Variants in SLIT3 observed in about 807,000 individuals in gnomAD.
SLIT3 encodes the protein slit homolog 3 protein.
SLIT3 carries 68 observed loss-of-function variants against 184.0 expected under a neutral mutation model. The observed-to-expected ratio is 0.37, with a 90% CI of 0.30 to 0.45. The LOEUF is 0.45. Among genes scored for constraint, SLIT3 ranks in the 20% least tolerant of loss-of-function variants. SLIT3 has a pLI of 1.00. For synonymous variants in SLIT3, 831 were observed against 828.6 expected (o/e 1.00, Z -0.05); for missense variants, 1,707 against 2,026.0 (o/e 0.84, Z 3.02).
At chr5:168,905,849 G>A (rs554499275) in intron 4 of SLIT3, among the ~76,000 whole-genome samples, 1 of 152,314 alleles carries the variant, frequency 6.6e-6, no homozygotes, top group Admixed American at 6.5e-5. Flanking sequence ...TGGGCACAGA[G>A]ATGATGTCTA....
intron 4 of SLIT3, among the ~76,000 whole-genome samples, chr5:169,175,415 C>T (rs1024265859): frequency 2.0e-5 from 3 of 152,126 alleles, no homozygotes; most frequent in African/African-American, 2.4e-5. Flanking sequence ...GGGTTATCAG[C>T]GCCACCATCT....
At chr5:169,092,386 A>G (rs1759625631) in intron 4 of SLIT3, among the ~76,000 whole-genome samples, 1 of 152,128 alleles carries the variant, frequency 6.6e-6, no homozygotes, top group Non-Finnish European at 1.5e-5. Flanking sequence ...ACCATAGCGG[A>G]GATGTACCAA....
chr5:169,060,415 CAA>C lies in SLIT3; in HGVS notation c.413+133062_413+133063del, dbSNP rs552026908. On this transcript the variant is annotated intron_variant, in intron 4 of 35. Coordinates refer to ENST00000519560, the MANE Select transcript of SLIT3 (RefSeq NM_003062.4). The stretch of plus-strand genomic sequence containing the variant: ...TCAAACAAACAAACAAACAAACAAA[CAA>C]AAAACACTGAGAAATAAATTTTGTT... 2.5e-3 allele frequency among the ~76,000 whole-genome samples: 382 copies of C among 152,026 alleles called. 1 individual carries two copies. The highest frequency in any genetic ancestry group is 8.4e-3 in the African/African-American group (347 of 41,426).
At chr5:169,034,504 G>A (rs1046811816) in intron 4 of SLIT3, among the ~76,000 whole-genome samples, 3 of 152,226 alleles carry the variant, frequency 2.0e-5, no homozygotes, top group Admixed American at 6.5e-5. Context: ...TTATTGAACA[G>A]ACTATCCTTT....
At chr5:168,865,437 C>T (rs909806373) in intron 5 of SLIT3, among the ~76,000 whole-genome samples, 4 of 152,170 alleles carry the variant, frequency 2.6e-5, no homozygotes, top group African/African-American at 9.7e-5. Context: ...CAATACAACA[C>T]AGGGTGAATT....
chr5:168,866,813 T>C (rs909603160), intron 5 of SLIT3, among the ~76,000 whole-genome samples: 2 of 152,214 alleles, frequency 1.3e-5, no homozygotes, highest in African/African-American at 2.4e-5. Context: ...TTAAATGATA[T>C]AAGAATAATA....
intron 9 of SLIT3, among the ~76,000 whole-genome samples, chr5:168,802,847 T>A (rs1343951785): frequency 6.6e-6 from 1 of 152,232 alleles, no homozygotes; most frequent in East Asian, 1.9e-4. Context: ...TTTACTATAT[T>A]CGTTCACCTA....
chr5:168,801,303 T>G (rs1226685520), intron 9 of SLIT3, among the ~76,000 whole-genome samples: 1 of 152,194 alleles, frequency 6.6e-6, no homozygotes, highest in African/African-American at 2.4e-5. Flanking sequence ...TTTGCTGGTT[T>G]GTTTTGTTGT....
intron 20 of SLIT3, among the ~76,000 whole-genome samples, chr5:168,735,705 C>CACA (rs1554136590): frequency 1.4e-5 from 2 of 141,150 alleles, no homozygotes; most frequent in African/African-American, 2.8e-5. Flanking sequence ...CACACACACA[C>CACA]ATCTCCATCC....
intron 4 of SLIT3, among the ~76,000 whole-genome samples, chr5:168,954,713 T>C (rs1332693900): frequency 2.6e-5 from 4 of 152,134 alleles, no homozygotes; most frequent in Admixed American, 6.6e-5. Flanking sequence ...CTCAGGCTAA[T>C]TGGGGCCAGG....
At chr5:169,081,165 C>A (rs1759027684) in intron 4 of SLIT3, among the ~76,000 whole-genome samples, 1 of 152,204 alleles carries the variant, frequency 6.6e-6, no homozygotes, top group Admixed American at 6.5e-5. Context: ...CTGCCACTTA[C>A]AAGAAAACAA....
chr5:168,687,047 C>G lies in SLIT3; in HGVS notation c.3246G>C (p.Lys1082Asn), dbSNP rs1761766971. Reference protein sequence around the residue: ...ETDNDDCVAHKCRHGAQCVDT... With the variant: ...ETDNDDCVAHNCRHGAQCVDT... ...CCACGCACTGGGCCCCGTGGCGGCA[C>G]TTGTGGGCCACACAGTCATCATTGT... Residue 1082 changes from lysine (K) to asparagine (N), a missense_variant, in exon 30 of 36, where the codon AAG (lysine) becomes AAC (asparagine). Lys to Asn is a moderately conservative substitution (Grantham distance 94, BLOSUM62 0). Transcript: ENST00000519560. 3.7e-6 allele frequency: 6 copies of G among 1,614,258 alleles called. No individual in the cohort carries two copies. The highest frequency in any genetic ancestry group is 5.1e-6 in the Non-Finnish European group (6 of 1,180,040).
chr5:169,242,934 A>C (rs1765453540), intron 3 of SLIT3, among the ~76,000 whole-genome samples: 1 of 152,036 alleles, frequency 6.6e-6, no homozygotes, highest in African/African-American at 2.4e-5. Flanking sequence ...CAGGGCCCTT[A>C]CTAAAGATCA....
chr5:168,967,489 G>C lies in SLIT3; in HGVS notation c.414-84153C>G, dbSNP rs12656218. Among the ~76,000 whole-genome samples the C allele has an allele frequency of 0.017, 1,169 of 68,918 alleles. 33 individuals carry two copies. The East Asian group carries it at 0.19, about 11-fold the overall frequency. 45.2% of individuals were successfully genotyped at this position (68,918 alleles called of 152,430 possible). On this transcript the variant is annotated intron_variant, in intron 4 of 35. Transcript: ENST00000519560. ...GAGTCTCGCTCTGTCGCCCAGGCTG[G>C]AGTGCAGTGGCGGGATCTCGGCTCA...
chr5:169,065,336 G>C (rs926315589), intron 4 of SLIT3, among the ~76,000 whole-genome samples: 1 of 152,178 alleles, frequency 6.6e-6, no homozygotes, highest in African/African-American at 2.4e-5. Context: ...AAGAATGATA[G>C]AAGAAATATT....
chr5:169,198,276 A>C (rs1295777575), intron 3 of SLIT3, among the ~76,000 whole-genome samples: 1 of 152,272 alleles, frequency 6.6e-6, no homozygotes, highest in Non-Finnish European at 1.5e-5. Context: ...ACAATGGAGC[A>C]GCAGCTAACC....
At chr5:168,899,902 C>T (rs1183778281) in intron 4 of SLIT3, among the ~76,000 whole-genome samples, 1 of 152,128 alleles carries the variant, frequency 6.6e-6, no homozygotes, top group African/African-American at 2.4e-5. Flanking sequence ...TGGTCTCTCA[C>T]CCTTTCACCA....
At chr5:168,737,687 G>A (rs1763483620) in intron 20 of SLIT3, among the ~76,000 whole-genome samples, 1 of 152,196 alleles carries the variant, frequency 6.6e-6, no homozygotes, top group Non-Finnish European at 1.5e-5. Flanking sequence ...ACCAGGGGTA[G>A]ATATGGGGGA....
chr5:169,030,991 T>TA (rs1340888058), intron 4 of SLIT3, among the ~76,000 whole-genome samples: 1 of 152,226 alleles, frequency 6.6e-6, no homozygotes, highest in African/African-American at 2.4e-5. Context: ...CAGGGTATTC[T>TA]ACCACTGGTT....
Sources: gnomAD v4.1 joint callset for allele counts (sites outside exome capture counted in the v4.1 genomes callset) on GRCh38, gnomAD v4.1.1 for gene constraint, MANE v1.5 for transcripts, NCBI Gene and HGNC (gene_info 2026-07-23, HGNC 2026-07-21) for gene names.